Variants in CFAP144 observed in about 807,000 individuals in gnomAD.
The protein encoded by CFAP144 is cilia- and flagella-associated protein 144.
the CFAP144 span, among the ~76,000 whole-genome samples, chr1:43,144,683 C>T: frequency 3.3e-5 from 5 of 152,148 alleles, no homozygotes; most frequent in East Asian, 1.9e-4. Context: ...TAAGGATCTG[C>T]CCAGCTCTTC....
At chr1:43,152,819 G>T in the CFAP144 span, 1 of 1,602,606 alleles carries the variant, frequency 6.2e-7, no homozygotes. Context: ...CTCATACCTC[G>T]TCTCCCAGCC....
At chr1:43,148,055 C>G in the CFAP144 span, 1 of 1,613,776 alleles carries the variant, frequency 6.2e-7, no homozygotes, top group South Asian at 1.1e-5. Flanking sequence ...AAACTCTACA[C>G]GCAGTATCAC....
the CFAP144 span, chr1:43,148,121 G>T: frequency 5.0e-6 from 8 of 1,599,398 alleles, no homozygotes; most frequent in African/African-American, 1.3e-5. Flanking sequence ...GGGCGAGAGC[G>T]GGAGGGCGCC....
At chr1:43,154,096 ATATACT>A in the CFAP144 span, among the ~76,000 whole-genome samples, 6 of 126,904 alleles carry the variant, frequency 4.7e-5, no homozygotes, top group African/African-American at 1.3e-4. Context: ...ATATATATAT[ATATACT>A]CTCTTTTTAT....
At chr1:43,154,138 T>TTA in the CFAP144 span, among the ~76,000 whole-genome samples, 2 of 141,314 alleles carry the variant, frequency 1.4e-5, no homozygotes, top group Non-Finnish European at 1.5e-5. Flanking sequence ...TTCTCCCTTT[T>TTA]TATATATATA....
chr1:43,153,459 A>G, the CFAP144 span, among the ~76,000 whole-genome samples: 1 of 151,874 alleles, frequency 6.6e-6, no homozygotes, highest in Admixed American at 6.6e-5. Context: ...AAAATACAAA[A>G]ATTAGCTGGG....
At chr1:43,143,768 A>C in the CFAP144 span, among the ~76,000 whole-genome samples, 3 of 152,192 alleles carry the variant, frequency 2.0e-5, no homozygotes, top group South Asian at 2.1e-4. Flanking sequence ...TACGCTCCAA[A>C]AAGTTCAGTT....
chr1:43,150,685 T>C, the CFAP144 span: 1 of 1,345,210 alleles, frequency 7.4e-7, no homozygotes. Context: ...GGGTGCCCTG[T>C]TTAAGGTGGA....
the CFAP144 span, among the ~76,000 whole-genome samples, chr1:43,154,062 G>GTATA: frequency 0.066 from 5,525 of 83,088 alleles, 264 homozygotes; most frequent in East Asian, 0.15. Flanking sequence ...ATATGTGTGT[G>GTATA]TATATATATA....
chr1:43,154,969 G>C, the CFAP144 span, among the ~76,000 whole-genome samples: 3 of 152,210 alleles, frequency 2.0e-5, no homozygotes, highest in African/African-American at 7.2e-5. Context: ...TTGGAGAGTG[G>C]TGGAGGATGG....
chr1:43,145,272 A>G, the CFAP144 span: 2 of 1,550,276 alleles, frequency 1.3e-6, no homozygotes, highest in East Asian at 2.4e-5. Context: ...TGAAGAGTGG[A>G]ACACATCTAA....
the CFAP144 span, among the ~76,000 whole-genome samples, chr1:43,144,323 T>C: frequency 6.6e-6 from 1 of 152,202 alleles, no homozygotes; most frequent in East Asian, 1.9e-4. Context: ...GATGTGTATG[T>C]ACATTTCATA....
chr1:43,148,008 C>G, the CFAP144 span: 3 of 1,613,936 alleles, frequency 1.9e-6, no homozygotes, highest in Non-Finnish European at 2.5e-6. Context: ...AGAACCAGAT[C>G]TTGCGGGAAC....
chr1:43,148,529 G>A, the CFAP144 span, among the ~76,000 whole-genome samples: 17 of 152,234 alleles, frequency 1.1e-4, no homozygotes, highest in East Asian at 3.9e-4. Flanking sequence ...TCCTTGGGCA[G>A]TTTGTTCTGT....
At chr1:43,148,137 A>C in the CFAP144 span, 1 of 1,564,406 alleles carries the variant, frequency 6.4e-7, no homozygotes, top group Non-Finnish European at 8.7e-7. Context: ...GCGCCGGGGA[A>C]GGAGGAGCCC....
chr1:43,150,913 G>A, the CFAP144 span: 1 of 1,014,840 alleles, frequency 9.9e-7, no homozygotes. Flanking sequence ...CTTGGAGCAA[G>A]CATCAGAGTC....
the CFAP144 span, among the ~76,000 whole-genome samples, chr1:43,144,828 A>G: frequency 2.6e-5 from 4 of 151,988 alleles, no homozygotes; most frequent in African/African-American, 9.7e-5. Flanking sequence ...TCCCACTCCC[A>G]ATCGAGCCAC....
At chr1:43,156,275 G>A in the CFAP144 span, 2 of 1,613,894 alleles carry the variant, frequency 1.2e-6, no homozygotes, top group Non-Finnish European at 1.7e-6. Flanking sequence ...TCTGTACAAG[G>A]CTAAAACGTG....
the CFAP144 span, among the ~76,000 whole-genome samples, chr1:43,154,856 C>T: frequency 2.7e-5 from 4 of 149,928 alleles, no homozygotes; most frequent in African/African-American, 7.5e-5. Context: ...GGGTAAGTGA[C>T]GGAAAAATAC....
Sources: allele counts gnomAD v4.1 joint callset (sites outside exome capture counted in the v4.1 genomes callset), GRCh38; gene constraint gnomAD v4.1.1; transcripts MANE v1.5; gene names NCBI Gene and HGNC (gene_info 2026-07-23, HGNC 2026-07-21).